Variants in SLC24A2 observed in about 807,000 individuals in gnomAD.
SLC24A2 encodes sodium/potassium/calcium exchanger 2.
A neutral mutation model predicts 62.0 loss-of-function variants in SLC24A2; 36 were observed. That is an observed-to-expected ratio of 0.58 (90% confidence interval 0.44 to 0.77). The LOEUF (loss-of-function observed/expected upper bound fraction) is 0.77. Among genes scored for constraint, SLC24A2 ranks in the 30% least tolerant of loss-of-function variants. SLC24A2 has a pLI of 0.00. For synonymous variants in SLC24A2, 358 were observed against 294.0 expected, an observed-to-expected ratio of 1.22 and a Z score of -2.23; for missense variants, 846 against 817.9, an observed-to-expected ratio of 1.03 and a Z score of -0.42.
At chr9:19,898,337 G>C in the SLC24A2 span, among the ~76,000 whole-genome samples, 1 of 152,190 alleles carries the variant, frequency 6.6e-6, no homozygotes, top group Non-Finnish European at 1.5e-5. Flanking sequence ...GACTCCTCAT[G>C]ATCTCTTTTC....
chr9:20,121,988 T>C, the SLC24A2 span, among the ~76,000 whole-genome samples: 1 of 152,100 alleles, frequency 6.6e-6, no homozygotes, highest in Non-Finnish European at 1.5e-5. Context: ...AAAAGAGAAA[T>C]CTGCTAATGC....
At chr9:19,758,411 G>A (rs1195374326) in intron 2 of SLC24A2, among the ~76,000 whole-genome samples, 2 of 101,182 alleles carry the variant, frequency 2.0e-5, no homozygotes, top group Non-Finnish European at 5.2e-5. Flanking sequence ...CCCTTCTCTG[G>A]AGCAGGAAAG....
At chr9:19,781,254 C>T (rs574881919) in intron 2 of SLC24A2, among the ~76,000 whole-genome samples, 5 of 152,106 alleles carry the variant, frequency 3.3e-5, no homozygotes, top group African/African-American at 1.2e-4. Context: ...GCTTAACACA[C>T]GATCCCATTC....
chr9:19,610,775 C>T (rs1401149697), intron 4 of SLC24A2, among the ~76,000 whole-genome samples: 2 of 152,230 alleles, frequency 1.3e-5, no homozygotes, highest in African/African-American at 2.4e-5. Flanking sequence ...CAACAGAGCC[C>T]TTTGACAGGG....
At chr9:19,850,946 CATATAT>C in the SLC24A2 span, among the ~76,000 whole-genome samples, 1 of 24,720 alleles carries the variant, frequency 4.0e-5, no homozygotes, top group African/African-American at 1.1e-4. Flanking sequence ...TATATATATA[CATATAT>C]ATATATATAT....
At chr9:20,053,485 G>C in the SLC24A2 span, among the ~76,000 whole-genome samples, 14 of 152,084 alleles carry the variant, frequency 9.2e-5, no homozygotes, top group Non-Finnish European at 1.8e-4. Flanking sequence ...TTCGTTTCTA[G>C]TCTTTTTTCT....
At chr9:19,790,189 G>C (rs1823295941), upstream of SLC24A2, among the ~76,000 whole-genome samples, 1 of 152,032 alleles carries the variant, frequency 6.6e-6, no homozygotes, top group South Asian at 2.1e-4. Flanking sequence ...TCCAGCCTCA[G>C]ACTCCCAAGT....
chr9:20,228,048 G>T, the SLC24A2 span, among the ~76,000 whole-genome samples: 21,520 of 152,064 alleles, frequency 0.14, 1,612 homozygotes, highest in Admixed American at 0.2. Flanking sequence ...TTAAAAACAG[G>T]TTCTATTTTT....
chr9:19,789,088 G>A (rs890563900), upstream of SLC24A2, among the ~76,000 whole-genome samples: 15 of 152,130 alleles, frequency 9.9e-5, no homozygotes, highest in African/African-American at 3.6e-4. Context: ...GGCCCCCGCC[G>A]GCCCCTCCCT....
the SLC24A2 span, among the ~76,000 whole-genome samples, chr9:19,860,297 C>CT: frequency 2.0e-5 from 3 of 152,112 alleles, no homozygotes; most frequent in African/African-American, 4.8e-5. Flanking sequence ...TCATGAGACC[C>CT]TTTTTCCAGG....
the SLC24A2 span, among the ~76,000 whole-genome samples, chr9:19,796,242 G>A: frequency 6.6e-6 from 1 of 151,802 alleles, no homozygotes; most frequent in Non-Finnish European, 1.5e-5. Context: ...TGCACGTTGT[G>A]CACATGTACC....
chr9:19,847,885 C>A, the SLC24A2 span, among the ~76,000 whole-genome samples: 1 of 152,238 alleles, frequency 6.6e-6, no homozygotes, highest in Non-Finnish European at 1.5e-5. Context: ...ATGGGACCCA[C>A]AGTCATTGTT....
intron 5 of SLC24A2, among the ~76,000 whole-genome samples, chr9:19,595,621 A>G (rs1236597283): frequency 2.6e-5 from 4 of 152,338 alleles, no homozygotes; most frequent in East Asian, 1.9e-4. Flanking sequence ...TAGAATTTGC[A>G]TCTTCGTCTT....
chr9:20,109,628 G>A, the SLC24A2 span, among the ~76,000 whole-genome samples: 98 of 152,278 alleles, frequency 6.4e-4, no homozygotes, highest in South Asian at 2.1e-3. Flanking sequence ...TGTATCTTGC[G>A]TGAATACTGG....
chr9:20,200,634 C>A, the SLC24A2 span, among the ~76,000 whole-genome samples: 1 of 152,178 alleles, frequency 6.6e-6, no homozygotes, highest in East Asian at 1.9e-4. Flanking sequence ...CATGGGGACA[C>A]ATTGCTAGCA....
chr9:19,678,808 T>A (rs1490045129), intron 2 of SLC24A2, among the ~76,000 whole-genome samples: 2 of 152,232 alleles, frequency 1.3e-5, no homozygotes, highest in African/African-American at 4.8e-5. Context: ...ATGGGTTTCT[T>A]CTAAATACCT....
the SLC24A2 span, among the ~76,000 whole-genome samples, chr9:20,151,137 T>A: frequency 6.6e-6 from 1 of 151,936 alleles, no homozygotes; most frequent in African/African-American, 2.4e-5. Context: ...CTAATTAAGT[T>A]ATCAGCATAA....
At chr9:19,534,999 A>T (rs201652934) in intron 8 of SLC24A2, among the ~76,000 whole-genome samples, 75 of 152,158 alleles carry the variant, frequency 4.9e-4, no homozygotes, top group African/African-American at 1.7e-3. Flanking sequence ...TTCCTATTTC[A>T]CCACATCCTC....
At chr9:19,701,401 CA>C (rs1820352321) in intron 2 of SLC24A2, among the ~76,000 whole-genome samples, 1 of 152,216 alleles carries the variant, frequency 6.6e-6, no homozygotes, top group Admixed American at 6.5e-5. Flanking sequence ...TGCCAAGCAG[CA>C]CTTAGTCCAC....
Sources: allele counts gnomAD v4.1 joint callset (sites outside exome capture counted in the v4.1 genomes callset), GRCh38; gene constraint gnomAD v4.1.1; transcripts MANE v1.5; gene names NCBI Gene and HGNC (gene_info 2026-07-23, HGNC 2026-07-21).